Variants in PDS5A observed in about 807,000 individuals in gnomAD.
PDS5A encodes sister chromatid cohesion protein PDS5 homolog A.
Under a neutral mutation model 167.1 loss-of-function variants are expected in PDS5A, and 42 were observed. That is an observed-to-expected ratio of 0.25 (90% CI 0.20 to 0.33). PDS5A has a LOEUF of 0.33. PDS5A is among the 10% of genes least tolerant of loss of function. The pLI is 1.00. For missense variants in PDS5A, 1,033 were observed against 1,605.9 expected (o/e 0.64, Z 6.10); for synonymous variants, 553 against 554.6 (o/e 1.00, Z 0.04).
chr4:39,907,877 C>A (rs1327460171), intron 11 of PDS5A, among the ~76,000 whole-genome samples: 2 of 152,274 alleles, frequency 1.3e-5, no homozygotes, highest in Non-Finnish European at 2.9e-5. Flanking sequence ...TGAGCCACCG[C>A]GCCCGGCAAT....
At chr4:39,930,411 A>G (rs1292333761) in intron 2 of PDS5A, among the ~76,000 whole-genome samples, 3 of 151,320 alleles carry the variant, frequency 2.0e-5, no homozygotes, top group Non-Finnish European at 2.9e-5. Flanking sequence ...ATTTTTTGAC[A>G]CCTATTGAGA....
chr4:39,945,884 G>C (rs751594506), intron 2 of PDS5A, among the ~76,000 whole-genome samples: 8 of 152,064 alleles, frequency 5.3e-5, no homozygotes, highest in Non-Finnish European at 8.8e-5. Context: ...GTTTTTCTAA[G>C]GTTAAACGGA....
At chr4:39,903,024 T>A (rs1344348359) in intron 12 of PDS5A, among the ~76,000 whole-genome samples, 2 of 152,274 alleles carry the variant, frequency 1.3e-5, no homozygotes, top group South Asian at 2.1e-4. Flanking sequence ...AAGGTTTAAA[T>A]GTTATTCCTA....
At chr4:39,891,786 T>C (rs955557885) in intron 16 of PDS5A, among the ~76,000 whole-genome samples, 9 of 152,116 alleles carry the variant, frequency 5.9e-5, no homozygotes, top group Non-Finnish European at 7.4e-5. Flanking sequence ...CATACAGTTA[T>C]GGAAGGCTGA....
intron 28 of PDS5A, chr4:39,847,714 T>C (rs570829171): frequency 2.0e-5 from 3 of 152,306 alleles, no homozygotes; most frequent in African/African-American, 4.8e-5. Context: ...AAATCAGTAA[T>C]AAAAATCAGA....
At chr4:39,936,199 C>T (rs114182849) in intron 2 of PDS5A, among the ~76,000 whole-genome samples, 60 of 152,312 alleles carry the variant, frequency 3.9e-4, no homozygotes, top group African/African-American at 1.1e-3. Context: ...CAGCAATTCT[C>T]TGACACCAAA....
chr4:39,976,365 A>T (rs1731080764), intron 2 of PDS5A, 75 bp downstream of exon 2: 2 of 1,307,296 alleles, frequency 1.5e-6, no homozygotes, highest in Non-Finnish European at 2.1e-6. Context: ...TTTAAAGGCC[A>T]GACTGAGCAG....
intron 17 of PDS5A, among the ~76,000 whole-genome samples, chr4:39,883,068 T>C (rs1196083766): frequency 6.6e-6 from 1 of 152,220 alleles, no homozygotes; most frequent in East Asian, 1.9e-4. Context: ...TATTTTGTCA[T>C]GTCATAGGTT....
At chr4:39,901,759 A>G (rs900944125) in intron 13 of PDS5A, among the ~76,000 whole-genome samples, 2 of 152,074 alleles carry the variant, frequency 1.3e-5, no homozygotes, top group African/African-American at 4.8e-5. Context: ...GACATCACTC[A>G]TTTACTTTGT....
intron 2 of PDS5A, among the ~76,000 whole-genome samples, chr4:39,959,358 TTTG>T (rs1490635360): frequency 1.3e-5 from 2 of 152,128 alleles, no homozygotes; most frequent in African/African-American, 4.8e-5. Context: ...TCTAAATTTT[TTTG>T]TTGTTGTTGG....
intron 2 of PDS5A, among the ~76,000 whole-genome samples, chr4:39,966,123 G>A (rs1167793481): frequency 1.3e-5 from 2 of 152,084 alleles, no homozygotes; most frequent in Admixed American, 6.6e-5. Flanking sequence ...AAGAAATCTT[G>A]CCTCCCCATT....
chr4:39,927,907 C>CT, intron 3 of PDS5A, 54 bp downstream of exon 3: 1 of 1,221,924 alleles, frequency 8.2e-7, no homozygotes, highest in Non-Finnish European at 1.2e-6. Flanking sequence ...AAAAGTATAC[C>CT]TTCTGAACAG....
At chr4:39,975,875 TAAAC>T (rs774201683) in intron 2 of PDS5A, among the ~76,000 whole-genome samples, 35 of 152,206 alleles carry the variant, frequency 2.3e-4, no homozygotes, top group African/African-American at 6.3e-4. Context: ...CTGCCATGCT[TAAAC>T]AAAATTAGCT....
chr4:39,966,573 G>A (rs990190166), intron 2 of PDS5A, among the ~76,000 whole-genome samples: 3 of 152,132 alleles, frequency 2.0e-5, no homozygotes, highest in Non-Finnish European at 2.9e-5. Flanking sequence ...TTAATTTTTC[G>A]AATTCTTAGC....
chr4:39,941,252 T>A (rs1727198882), intron 2 of PDS5A, among the ~76,000 whole-genome samples: 2 of 152,182 alleles, frequency 1.3e-5, no homozygotes, highest in African/African-American at 2.4e-5. Context: ...TCATACAGAG[T>A]AAGTACTCAG....
chr4:39,936,153 A>G (rs1369667667), intron 2 of PDS5A, among the ~76,000 whole-genome samples: 2 of 152,178 alleles, frequency 1.3e-5, no homozygotes, highest in Non-Finnish European at 2.9e-5. Context: ...AATGCTGTGT[A>G]TGTATGTCAA....
chr4:39,864,111 A>G (rs957421147), intron 23 of PDS5A, among the ~76,000 whole-genome samples: 1 of 152,060 alleles, frequency 6.6e-6, no homozygotes. Flanking sequence ...CCCTGGCAAC[A>G]GAGTAAGACT....
chr4:39,908,676 T>C, intron 10 of PDS5A, 136 bp from the exon 11 acceptor site: 1 of 626,072 alleles, frequency 1.6e-6, no homozygotes, highest in Non-Finnish European at 2.8e-6. Flanking sequence ...TGAAATTAAA[T>C]CATGTTATTT....
At chr4:39,953,077 T>C (rs1407375854) in intron 2 of PDS5A, among the ~76,000 whole-genome samples, 1 of 152,174 alleles carries the variant, frequency 6.6e-6, no homozygotes, top group African/African-American at 2.4e-5. Flanking sequence ...CTCATTATCA[T>C]ACCTAATAAC....
Sources: gnomAD v4.1 joint callset for allele counts (sites outside exome capture counted in the v4.1 genomes callset) on GRCh38, gnomAD v4.1.1 for gene constraint, MANE v1.5 for transcripts, NCBI Gene and HGNC (gene_info 2026-07-23, HGNC 2026-07-21) for gene names.